ZMYM4: variants seen among roughly 807,000 people sequenced by gnomAD.
The protein encoded by ZMYM4 is zinc finger MYM-type containing 4, also known as zinc finger MYM-type protein 4.
A neutral mutation model predicts 183.2 loss-of-function variants in ZMYM4; 31 were observed. The observed-to-expected ratio is 0.17, with a 90% CI of 0.13 to 0.23. The LOEUF (loss-of-function observed/expected upper bound fraction) is 0.23. ZMYM4 is among the 10% of genes least tolerant of loss of function. The probability of loss-of-function intolerance (pLI) is 1.00; values close to 1 mark genes in which losing one functional copy is unlikely to be tolerated. For missense variants in ZMYM4, 1,273 were observed against 1,840.3 expected, an observed-to-expected ratio of 0.69 and a Z score of 5.64; for synonymous variants, 592 against 631.2, an observed-to-expected ratio of 0.94 and a Z score of 0.93.
intron 23 of ZMYM4, chr1:35,400,197 C>CTGT (rs1451470032): frequency 8.0e-6 from 1 of 124,684 alleles, no homozygotes; most frequent in Non-Finnish European, 1.6e-5. Context: ...GAGTAGTTCA[C>CTGT]TATTTTTTTT....
In ZMYM4 at chr1:35,389,569, A is replaced by G. The variant is rs1279453893; in HGVS notation, c.2437-379A>G. Among the ~76,000 whole-genome samples, 9 of 152,076 alleles carry G rather than the reference A, an allele frequency of 5.9e-5. No homozygotes were observed. Among genetic ancestry groups the G allele is most frequent in the Non-Finnish European group, 1.5e-5 (1 of 68,004 alleles). ...GGAGATCGAGACCATCCTGGCTAAC[A>G]TGGTGAAACCCCGTCTCTACTAAAA... On this transcript the variant is annotated intron_variant, in intron 14 of 29. Coordinates refer to ENST00000314607, the MANE Select transcript of ZMYM4 (RefSeq NM_005095.3). This position sits in a 1 kb window ranked among gnomAD's most constrained non-coding sequence, Gnocchi z 4.0.
chr1:35,323,227 C>T (rs1210652648), intron 1 of ZMYM4, among the ~76,000 whole-genome samples: 2 of 152,100 alleles, frequency 1.3e-5, no homozygotes, highest in African/African-American at 4.8e-5. Context: ...GTCTTGAACT[C>T]CTGACTTCAG....
chr1:35,269,230 G>C, intron 1 of ZMYM4, 145 bp downstream of exon 1: 1 of 905,666 alleles, frequency 1.1e-6, no homozygotes, highest in Non-Finnish European at 1.5e-6. Context: ...CTTGGGTCCG[G>C]AGCGCGCTGG....
chr1:35,381,164 A>G, intron 7 of ZMYM4, 95 bp from the exon 8 acceptor site: 1 of 1,059,140 alleles, frequency 9.4e-7, no homozygotes, highest in Non-Finnish European at 1.4e-6. Flanking sequence ...TCCCTACAGT[A>G]TAATTGCCTC....
chr1:35,392,254 C>G lies in ZMYM4; in HGVS notation c.2630C>G (p.Ser877Cys), dbSNP rs756466601. 6.2e-7 allele frequency: 1 copy of G among 1,614,184 alleles called. No homozygotes were observed. Among genetic ancestry groups the G allele is most frequent in the Non-Finnish European group, 8.5e-7 (1 of 1,180,020 alleles). Reference protein sequence around the residue: ...MVQAASAGPPSLRKDSTPVIA... With the variant: ...MVQAASAGPPCLRKDSTPVIA... Reference sequence around the variant, plus strand: ...CAAGCTGCTTCAGCAGGACCCCCATCTCTGAGAAAAGATTCGACTCCAGTT... The same window carrying G: ...CAAGCTGCTTCAGCAGGACCCCCATGTCTGAGAAAAGATTCGACTCCAGTT... The change falls in exon 16 of 30, where the codon TCT (serine) becomes TGT (cysteine). Residue 877 changes from serine (S) to cysteine (C), a missense_variant. Coordinates refer to ENST00000314607, the MANE Select transcript of ZMYM4 (RefSeq NM_005095.3).
intron 1 of ZMYM4, among the ~76,000 whole-genome samples, chr1:35,319,225 A>T (rs1474457951): frequency 6.6e-6 from 1 of 152,220 alleles, no homozygotes; most frequent in Non-Finnish European, 1.5e-5. Context: ...ACAAAAAAAG[A>T]TCATGGAACA....
At chr1:35,404,844 A>G (rs1197384877) in intron 23 of ZMYM4, 179 bp from the exon 24 acceptor site, 5 of 519,708 alleles carry the variant, frequency 9.6e-6, no homozygotes, top group Non-Finnish European at 1.6e-5. Flanking sequence ...TTCCTTCCTC[A>G]TATGGATTGG....
intron 1 of ZMYM4, among the ~76,000 whole-genome samples, chr1:35,314,242 C>T (rs7532186): frequency 0.016 from 2,353 of 151,792 alleles, 67 homozygotes; most frequent in African/African-American, 0.054. Context: ...AACTTAATGA[C>T]AAAAACTATA....
chr1:35,271,471 C>T (rs747719965), intron 1 of ZMYM4, among the ~76,000 whole-genome samples: 4 of 152,100 alleles, frequency 2.6e-5, no homozygotes, highest in Admixed American at 2.6e-4. Context: ...GGCGCAATCT[C>T]GGCTCGTTGC....
intron 18 of ZMYM4, 137 bp downstream of exon 18, chr1:35,393,876 C>T: frequency 1.0e-6 from 1 of 987,540 alleles, no homozygotes; most frequent in Non-Finnish European, 1.4e-6. Context: ...GTTCTCACAG[C>T]ATCCCCGTGA....
In ZMYM4 at chr1:35,421,062, A is replaced by T. The variant is rs1640309972; in HGVS notation, c.*1385A>T. 1 of 152,408 alleles carries T rather than the reference A, an allele frequency of 6.6e-6. No homozygotes were observed. Among genetic ancestry groups the T allele is most frequent in the East Asian group, 1.9e-4 (1 of 5,202 alleles). 9.4% of individuals were successfully genotyped at this position (152,408 alleles called of 1,614,324 possible). A position where few individuals can be genotyped will look rare whatever the true frequency, so the allele number is the denominator to read the frequency against. Reference sequence around the variant, plus strand: ...TGCAGAACTTCTTCAGCTAAGGTTAATTTGACGCTATGATAAAACTGAGAG... The same window carrying T: ...TGCAGAACTTCTTCAGCTAAGGTTATTTTGACGCTATGATAAAACTGAGAG... On this transcript the variant is annotated 3_prime_UTR_variant, in exon 30 of 30. Transcript: ENST00000314607.
intron 26 of ZMYM4, among the ~76,000 whole-genome samples, chr1:35,412,981 C>T (rs1639974892): frequency 1.3e-5 from 2 of 152,116 alleles, no homozygotes; most frequent in African/African-American, 2.4e-5. Flanking sequence ...TTACATGCTG[C>T]CTTGGATTCC....
At chr1:35,274,040 A>G (rs976636906) in intron 1 of ZMYM4, among the ~76,000 whole-genome samples, 4 of 152,232 alleles carry the variant, frequency 2.6e-5, no homozygotes, top group African/African-American at 9.6e-5. Flanking sequence ...TTAATATTTT[A>G]TAATAAAATA....
rs771709104 is a variant in ZMYM4, at chr1:35,358,968, C to T, written c.129C>T (p.His43=). 6.2e-7 allele frequency: 1 copy of T among 1,613,608 alleles called. No homozygotes were observed. Among genetic ancestry groups the T allele is most frequent in the African/African-American group, 1.3e-5 (1 of 75,024 alleles). ...MDTEMSEDID[H]NLTPTLDSMS... ...CAGAAATGTCTGAAGATATAGACCA[C>T]AACTTAACTCCTACCCTTGACAGCA... The change falls in exon 3 of 30, where the codon CAC becomes CAT. Residue 43 remains histidine (H), a synonymous_variant. Coordinates refer to ENST00000314607, the MANE Select transcript of ZMYM4 (RefSeq NM_005095.3).
rs1639440324 is a variant in ZMYM4 at position 35,268,902 on chromosome 1, C to T, written c.-145C>T. ...CGGCCCGGCGCGCGGCATCCGCCCCCTCCCCACTCTCGGCGCAAGGCCCGG... is the reference window on the plus strand; with the variant it reads ...CGGCCCGGCGCGCGGCATCCGCCCCTTCCCCACTCTCGGCGCAAGGCCCGG... On this transcript the variant is annotated 5_prime_UTR_variant, in exon 1 of 30. Transcript: ENST00000314607. 1.1e-6 allele frequency: 1 copy of T among 915,240 alleles called. No homozygotes were observed. The allele number at this position is 915,240 out of a possible 1,614,324, so 56.7% of individuals were successfully genotyped here.
At chr1:35,382,587 C>T (rs532671650) in intron 9 of ZMYM4, among the ~76,000 whole-genome samples, 18 of 151,638 alleles carry the variant, frequency 1.2e-4, no homozygotes, top group Admixed American at 3.3e-4. Context: ...GGATTACAGG[C>T]GCCCACCACC....
At chr1:35,357,602 A>C (rs1440451527) in intron 2 of ZMYM4, among the ~76,000 whole-genome samples, 1 of 152,188 alleles carries the variant, frequency 6.6e-6, no homozygotes, top group Non-Finnish European at 1.5e-5. Context: ...ATAAGTAATA[A>C]AGTTGACAGA....
chr1:35,376,649 G>A (rs575585786), intron 7 of ZMYM4, among the ~76,000 whole-genome samples: 105 of 151,810 alleles, frequency 6.9e-4, no homozygotes, highest in Middle Eastern at 3.4e-3. Context: ...TCAGCCTCTC[G>A]AGTAGCTGGG....
intron 7 of ZMYM4, among the ~76,000 whole-genome samples, chr1:35,374,403 T>C (rs1570467952): frequency 6.6e-6 from 1 of 152,172 alleles, no homozygotes; most frequent in South Asian, 2.1e-4. Context: ...TTCTGTTTAT[T>C]TTGCCATGAA....
Sources: allele counts gnomAD v4.1 joint callset (sites outside exome capture counted in the v4.1 genomes callset), GRCh38; gene constraint gnomAD v4.1.1; non-coding constraint Gnocchi (gnomAD v3.1); transcripts MANE v1.5; gene names NCBI Gene and HGNC (gene_info 2026-07-23, HGNC 2026-07-21).